Variants in SPZ1 observed in about 807,000 individuals in gnomAD.
SPZ1 encodes the protein spermatogenic leucine zipper 1.
For synonymous variants in SPZ1, 160 were observed against 167.6 expected (o/e 0.95, Z 0.35); for missense variants, 408 against 486.2 (o/e 0.84, Z 1.51).
chr5:80,320,986 G>C lies in SPZ1; in HGVS notation c.771G>C (p.Trp257Cys). 1 of 1,614,088 alleles carries C rather than the reference G, an allele frequency of 6.2e-7. No homozygotes were observed. Among genetic ancestry groups the C allele is most frequent in the Non-Finnish European group, 8.5e-7 (1 of 1,180,030 alleles). ...AGTTACTACAGGAAGCAGAACACTG[G>C]AGTAAACAACATACTGAGCTCAGTA... is the stretch of plus-strand genomic sequence containing the variant. ...MEQLLQEAEH[W>C]SKQHTELSKL... The change falls in exon 1 of 1, where the codon TGG becomes TGC. Residue 257 changes from tryptophan to cysteine, a missense_variant. Coordinates refer to ENST00000296739, the MANE Select transcript of SPZ1 (RefSeq NM_032567.4).
Position 80,320,701 on chromosome 5 carries a change from A to G in SPZ1, c.486A>G (p.Arg162=), listed in dbSNP as rs144997081. ...TGTCAGCCCACAAAGAAAATATCAG[A>G]GGACTTGACAAAATCAATGAAATGT... ...EDVSAHKENI[R]GLDKINEMLS... The change falls in exon 1 of 1, where the codon AGA becomes AGG. Residue 162 remains arginine (R), a synonymous_variant. Coordinates refer to ENST00000296739, the MANE Select transcript of SPZ1 (RefSeq NM_032567.4). 6 of 1,568,728 alleles carry G rather than the reference A, an allele frequency of 3.8e-6. No homozygotes were observed. In the East Asian group the frequency reaches 1.3e-4, roughly 35 times the overall value.
Position 80,320,551 on chromosome 5 carries a change from T to G in SPZ1, c.336T>G (p.Asn112Lys), listed in dbSNP as rs774945727. The change falls in exon 1 of 1, where the codon AAT (asparagine) becomes AAG (lysine). Residue 112 changes from asparagine (N) to lysine (K), a missense_variant. Asn to Lys is a moderately conservative substitution (Grantham distance 94, BLOSUM62 0). Transcript: ENST00000296739. ...ITEDVSAHKENIRGLDKINEM... is the reference protein window; with the variant it reads ...ITEDVSAHKEKIRGLDKINEM... The stretch of plus-strand genomic sequence containing the variant: ...AGGATGTGTCAGCCCACAAAGAAAA[T>G]ATCAGAGGACTTGACAAAATCAATG... 1.2e-6 allele frequency: 2 copies of G among 1,610,944 alleles called. No individual in the cohort carries two copies. Among genetic ancestry groups the G allele is most frequent in the South Asian group, 2.2e-5 (2 of 90,034 alleles).
chr5:80,321,076 C>T lies in SPZ1; in HGVS notation c.861C>T (p.Val287=), dbSNP rs536377169. ...DISETLGNNG[V]GFQTQPNNEV... is the part of the protein sequence containing the mutation. ...GTGAAACTCTTGGAAATAATGGAGT[C>T]GGTTTCCAAACCCAGCCAAATAATG... The change falls in exon 1 of 1, where the codon GTC becomes GTT. Residue 287 remains valine, a synonymous_variant. Coordinates refer to ENST00000296739, the MANE Select transcript of SPZ1 (RefSeq NM_032567.4). The T allele has an allele frequency of 3.9e-5, 63 of 1,613,112 alleles. No individual in the cohort carries two copies. Among genetic ancestry groups the T allele is most frequent in the South Asian group, 2.3e-4 (21 of 90,692 alleles).
Position 80,321,340 on chromosome 5 carries a change from G to A in SPZ1, c.1125G>A (p.Met375Ile), listed in dbSNP as rs1376438059. ...CATCAGAAGCAAAGAAAGTAGAAAT[G>A]TATAAGCAGAACAAGCAAGCAATGA... is the stretch of plus-strand genomic sequence containing the variant. ...QKPSEAKKVE[M>I]YKQNKQAMKG... Residue 375 changes from methionine (M) to isoleucine (I), a missense_variant, in exon 1 of 1, where the codon ATG becomes ATA. Physicochemically the swap from Met to Ile is conservative, Grantham distance 10. Transcript: ENST00000296739. 6.2e-7 allele frequency: 1 copy of A among 1,613,046 alleles called. No homozygotes were observed. The highest frequency in any genetic ancestry group is 1.3e-5 in the African/African-American group (1 of 74,800).
Position 80,321,309 on chromosome 5 carries a change from A to G in SPZ1, c.1094A>G (p.Gln365Arg), listed in dbSNP as rs749651812. 1.9e-5 allele frequency: 31 copies of G among 1,610,156 alleles called. No individual in the cohort carries two copies. The South Asian group carries it at 3.2e-4, about 17-fold the overall frequency. The change falls in exon 1 of 1, where the codon CAG becomes CGG. Residue 365 changes from glutamine to arginine, a missense_variant. Physicochemically the swap from Gln to Arg is conservative, Grantham distance 43. Transcript: ENST00000296739. Reference protein sequence around the residue: ...QINYKQDKKNQKPSEAKKVEM... With the variant: ...QINYKQDKKNRKPSEAKKVEM... ...AACTATAAACAGGACAAGAAAAATC[A>G]GAAGCCATCAGAAGCAAAGAAAGTA...
Position 80,320,621 on chromosome 5 carries a change from G to A in SPZ1, c.406G>A (p.Glu136Lys). Residue 136 changes from glutamate to lysine, a missense_variant, in exon 1 of 1, where the codon GAA (glutamate) becomes AAA (lysine). Transcript: ENST00000296739. Reference protein sequence around the residue: ...NLPVSLAPEKEDNEKKQEMIL... With the variant: ...NLPVSLAPEKKDNEKKQEMIL... ...GCCTGTTAGTTTAGCCCCAGAGAAA[G>A]AAGACAATGAAAAGAAACAGGAGAT... 1 of 1,613,802 alleles carries A rather than the reference G, an allele frequency of 6.2e-7. No homozygotes were observed. The highest frequency in any genetic ancestry group is 1.1e-5 in the South Asian group (1 of 91,022).
At chr5:80,321,209 C>T (rs780236836), downstream of SPZ1, 2 of 1,613,992 alleles carry the variant, frequency 1.2e-6, no homozygotes, top group Non-Finnish European at 1.7e-6. Context: ...CCAAATCTTA[C>T]AGCAGAGAGT....
rs370058409 is a variant in SPZ1 at position 80,321,212 on chromosome 5, C to G, written c.997C>G (p.Gln333Glu). Residue 333 changes from glutamine to glutamate, a missense_variant, in exon 1 of 1, where the codon CAG (glutamine) becomes GAG (glutamate). Physicochemically the swap from Gln to Glu is conservative, Grantham distance 29. Transcript: ENST00000296739. Reference sequence around the variant, plus strand: ...AGAGAATGAATGCCAAATCTTACAGCAGAGAGTAGAGATTCTCAAGGAACT... The same window carrying G: ...AGAGAATGAATGCCAAATCTTACAGGAGAGAGTAGAGATTCTCAAGGAACT... ...LLENECQILQ[Q>E]RVEILKELHH... 3 of 1,613,994 alleles carry G rather than the reference C, an allele frequency of 1.9e-6. No individual in the cohort carries two copies. In the East Asian group the frequency reaches 6.7e-5, roughly 36 times the overall value.
Position 80,321,561 on chromosome 5 carries a change from C to A in SPZ1, c.*53C>A. On this transcript the variant is annotated 3_prime_UTR_variant, in exon 1 of 1. Coordinates refer to ENST00000296739, the MANE Select transcript of SPZ1 (RefSeq NM_032567.4). The stretch of plus-strand genomic sequence containing the variant: ...AATCCTTAAAAAACTACATCTGTTA[C>A]CTCCAACTTGTCAGTCATGATCAAT... 2 of 1,378,772 alleles carry A rather than the reference C, an allele frequency of 1.5e-6. No homozygotes were observed. Among genetic ancestry groups the A allele is most frequent in the Non-Finnish European group, 2.0e-6 (2 of 1,014,726 alleles). The allele number at this position is 1,378,772 out of a possible 1,614,324, so 85.4% of individuals were successfully genotyped here.
chr5:80,321,236 C>T lies in SPZ1; in HGVS notation c.1021C>T (p.Leu341Phe). The part of the protein sequence containing the change: ...LQQRVEILKE[L>F]HHQKQGTLQE... The stretch of plus-strand genomic sequence containing the variant: ...GCAGAGAGTAGAGATTCTCAAGGAA[C>T]TCCATCATCAGAAACAGGGAACTCT... The change falls in exon 1 of 1, where the codon CTC becomes TTC. Residue 341 changes from leucine to phenylalanine, a missense_variant. Coordinates refer to ENST00000296739, the MANE Select transcript of SPZ1 (RefSeq NM_032567.4). 2.5e-6 allele frequency: 4 copies of T among 1,613,794 alleles called. No individual in the cohort carries two copies. The East Asian group carries it at 6.7e-5, about 27-fold the overall frequency.
chr5:80,321,707 G>A lies in SPZ1; in HGVS notation c.*199G>A. 1 of 433,114 alleles carries A rather than the reference G, an allele frequency of 2.3e-6. No homozygotes were observed. Among genetic ancestry groups the A allele is most frequent in the Non-Finnish European group, 4.2e-6 (1 of 239,226 alleles). The allele number at this position is 433,114 out of a possible 1,614,324, so 26.8% of individuals were successfully genotyped here. A position where few individuals can be genotyped will look rare whatever the true frequency, so the allele number is the denominator to read the frequency against. ...AAGTCTGGTCTTTAATGACCATTGT[G>A]TCTACATCAAGTTCATAACTTTTCA... is the stretch of plus-strand genomic sequence containing the variant. On this transcript the variant is annotated 3_prime_UTR_variant, in exon 1 of 1. Coordinates refer to ENST00000296739, the MANE Select transcript of SPZ1 (RefSeq NM_032567.4).
In SPZ1 at chr5:80,321,778, C is replaced by A; in HGVS notation, c.*270C>A. ...TTTTTGTAATTATTAGATAGACAGC[C>A]TAGAGTGAGAAGTTAAAGGTCCAAT... is the stretch of plus-strand genomic sequence containing the variant. On this transcript the variant is annotated 3_prime_UTR_variant, in exon 1 of 1. Coordinates refer to ENST00000296739, the MANE Select transcript of SPZ1 (RefSeq NM_032567.4). The A allele has an allele frequency of 7.8e-6, 2 of 255,876 alleles. No individual in the cohort carries two copies. The highest frequency in any genetic ancestry group is 2.3e-5 in the African/African-American group (1 of 44,420). 15.9% of individuals were successfully genotyped at this position (255,876 alleles called of 1,614,324 possible).
At position 80,320,838 on chromosome 5, in the gene SPZ1, G is replaced by C; in HGVS notation, c.623G>C (p.Arg208Thr). 1.9e-6 allele frequency: 3 copies of C among 1,614,060 alleles called. No individual in the cohort carries two copies. Among genetic ancestry groups the C allele is most frequent in the Non-Finnish European group, 2.5e-6 (3 of 1,180,014 alleles). The change falls in exon 1 of 1, where the codon AGA (arginine) becomes ACA (threonine). Residue 208 changes from arginine (R) to threonine (T), a missense_variant. Arg to Thr is a moderately conservative substitution (Grantham distance 71, BLOSUM62 -1). Coordinates refer to ENST00000296739, the MANE Select transcript of SPZ1 (RefSeq NM_032567.4). ...GAGAACACCGCACAAGTTTTTGCAA[G>C]AGATTTGGTAAATCGTTTAGAAGAA... ...NSENTAQVFA[R>T]DLVNRLEEKK...
rs778036364 is a variant in SPZ1 at position 80,321,474 on chromosome 5, G to A, written c.1259G>A (p.Arg420Lys). The A allele has an allele frequency of 1.3e-6, 2 of 1,586,694 alleles. No individual in the cohort carries two copies. The highest frequency in any genetic ancestry group is 3.9e-5 in the Admixed American group (2 of 50,992). Residue 420 changes from arginine to lysine, a missense_variant, in exon 1 of 1, where the codon AGG becomes AAG. Arg to Lys is a conservative substitution (Grantham distance 26). Coordinates refer to ENST00000296739, the MANE Select transcript of SPZ1 (RefSeq NM_032567.4). ...ATTCATGTTGCAAGAAAAGCTCTTA[G>A]GGGAAAAATGAGGTCAGCTAGCAGC... ...FNIHVARKAL[R>K]GKMRSASSLR
chr5:80,320,220 C>T lies in SPZ1; in HGVS notation c.5C>T (p.Ala2Val), dbSNP rs1237810944. Residue 2 changes from alanine (A) to valine (V), a missense_variant, in exon 1 of 1, where the codon GCC becomes GTC. Coordinates refer to ENST00000296739, the MANE Select transcript of SPZ1 (RefSeq NM_032567.4). ...TTCTGCTTTCCTTCTGTCCTGATGG[C>T]CAGCTCTGCTAAGTCAGCTGAGATG... MASSAKSAEMPT... is the reference protein window; with the variant it reads MVSSAKSAEMPT... 1.2e-6 allele frequency: 2 copies of T among 1,605,738 alleles called. No homozygotes were observed. Among genetic ancestry groups the T allele is most frequent in the East Asian group, 4.5e-5 (2 of 44,832 alleles).
In SPZ1 at chr5:80,320,986, G is replaced by T. The variant is rs1286262918; in HGVS notation, c.771G>T (p.Trp257Cys). 2 of 1,614,088 alleles carry T rather than the reference G, an allele frequency of 1.2e-6. No homozygotes were observed. The highest frequency in any genetic ancestry group is 1.7e-6 in the Non-Finnish European group (2 of 1,180,030). The change falls in exon 1 of 1, where the codon TGG becomes TGT. Residue 257 changes from tryptophan (W) to cysteine (C), a missense_variant. Physicochemically the swap from Trp to Cys is radical, Grantham distance 215. Coordinates refer to ENST00000296739, the MANE Select transcript of SPZ1 (RefSeq NM_032567.4). ...AGTTACTACAGGAAGCAGAACACTG[G>T]AGTAAACAACATACTGAGCTCAGTA... ...MEQLLQEAEH[W>C]SKQHTELSKL...
In SPZ1 at chr5:80,321,454, T is replaced by A. The variant is rs1250300404; in HGVS notation, c.1239T>A (p.His413Gln). 4.4e-6 allele frequency: 7 copies of A among 1,596,324 alleles called. No homozygotes were observed. In the East Asian group the frequency reaches 1.3e-4, roughly 31 times the overall value. Residue 413 changes from histidine (H) to glutamine (Q), a missense_variant, in exon 1 of 1, where the codon CAT becomes CAA. Coordinates refer to ENST00000296739, the MANE Select transcript of SPZ1 (RefSeq NM_032567.4). ...KKACNTQFNI[H>Q]VARKALRGKM... is the part of the protein sequence containing the mutation. Reference sequence around the variant, plus strand: ...CTTGCAATACCCAGTTCAATATTCATGTTGCAAGAAAAGCTCTTAGGGGAA... The same window carrying A: ...CTTGCAATACCCAGTTCAATATTCAAGTTGCAAGAAAAGCTCTTAGGGGAA...
chr5:80,320,430 T>C lies in SPZ1; in HGVS notation c.215T>C (p.Leu72Pro), dbSNP rs760425551. The C allele has an allele frequency of 2.4e-5, 38 of 1,613,040 alleles. No individual in the cohort carries two copies. Among genetic ancestry groups the C allele is most frequent in the Non-Finnish European group, 1.2e-5 (14 of 1,179,856 alleles). The change falls in exon 1 of 1, where the codon CTC becomes CCC. Residue 72 changes from leucine to proline, a missense_variant. By Grantham distance (98) the Leu-to-Pro change is moderately conservative. Transcript: ENST00000296739. ...CAGACTGCACAGAAGTTTAACAATC[T>C]CTTAAAAGAAATTAAAGATATTCTT... ...EQQTAQKFNN[L>P]LKEIKDILKN...
At position 80,320,533 on chromosome 5, in the gene SPZ1, G is replaced by A. The variant is rs1383817762; in HGVS notation, c.318G>A (p.Val106=). ...AGGAAACCAATATTACTGAGGATGT[G>A]TCAGCCCACAAAGAAAATATCAGAG... ...LFEETNITED[V]SAHKENIRGL... Residue 106 remains valine, a synonymous_variant, in exon 1 of 1, where the codon GTG becomes GTA. Coordinates refer to ENST00000296739, the MANE Select transcript of SPZ1 (RefSeq NM_032567.4). The A allele has an allele frequency of 6.8e-6, 11 of 1,614,016 alleles. No individual in the cohort carries two copies. Among genetic ancestry groups the A allele is most frequent in the Middle Eastern group, 1.7e-4 (1 of 6,036 alleles).
Sources: gnomAD v4.1 joint callset for allele counts on GRCh38, gnomAD v4.1.1 for gene constraint, MANE v1.5 for transcripts, NCBI Gene and HGNC (gene_info 2026-07-23, HGNC 2026-07-21) for gene names.